SYN3: variants seen among roughly 807,000 people sequenced by gnomAD.
The protein encoded by SYN3 is synapsin III.
In SYN3, 35 loss-of-function variants were observed where a neutral mutation model predicts 65.8. That is an observed-to-expected ratio of 0.53 (90% CI 0.41 to 0.70). SYN3 has a LOEUF of 0.70. Among genes scored for constraint, SYN3 ranks in the 30% least tolerant of loss-of-function variants. SYN3 has a pLI of 0.00. For synonymous variants in SYN3, 270 were observed against 292.9 expected (o/e 0.92, Z 0.80); for missense variants, 680 against 749.0 (o/e 0.91, Z 1.08).
chr22:32,780,068 C>CAA (rs130536), intron 6 of SYN3, among the ~76,000 whole-genome samples: 1 of 72,598 alleles, frequency 1.4e-5, no homozygotes, highest in Non-Finnish European at 2.4e-5. Context: ...GATTCTGTCT[C>CAA]AAAAAAAAAA....
intron 6 of SYN3, among the ~76,000 whole-genome samples, chr22:32,731,691 C>T (rs1354974434): frequency 5.9e-5 from 9 of 152,146 alleles, no homozygotes; most frequent in Non-Finnish European, 1.0e-4. Context: ...AGGATCAAGA[C>T]CAGGTATAGA....
At chr22:32,897,435 C>T (rs1382277314) in intron 4 of SYN3, among the ~76,000 whole-genome samples, 1 of 152,172 alleles carries the variant, frequency 6.6e-6, no homozygotes, top group Non-Finnish European at 1.5e-5. Context: ...TCATGACAAT[C>T]ACTGTTACAC....
intron 2 of SYN3, among the ~76,000 whole-genome samples, chr22:32,991,338 A>AAATTATAATAAT (rs2052707744): frequency 7.0e-6 from 1 of 142,618 alleles, no homozygotes. Flanking sequence ...ACTCCATCTC[A>AAATTATAATAAT]AATAATAATA....
chr22:32,985,683 C>T (rs1266802340), intron 2 of SYN3, among the ~76,000 whole-genome samples: 1 of 152,064 alleles, frequency 6.6e-6, no homozygotes, highest in Non-Finnish European at 1.5e-5. Context: ...AGAGCCCTGG[C>T]GTCCTTCATG....
chr22:33,047,878 A>G, intron 1 of SYN3, among the ~76,000 whole-genome samples: 1 of 147,904 alleles, frequency 6.8e-6, no homozygotes, highest in Admixed American at 6.6e-5. Context: ...AAAAAAAAAA[A>G]AAAAAAAGGA....
At chr22:32,712,024 C>T (rs574269687) in intron 6 of SYN3, among the ~76,000 whole-genome samples, 155 of 152,296 alleles carry the variant, frequency 1.0e-3, no homozygotes, top group Non-Finnish European at 1.8e-3. Context: ...GGCCACAGCC[C>T]TACATCTTGG....
At chr22:32,782,860 A>G (rs1203246354) in intron 6 of SYN3, among the ~76,000 whole-genome samples, 1 of 152,204 alleles carries the variant, frequency 6.6e-6, no homozygotes, top group Non-Finnish European at 1.5e-5. Flanking sequence ...CCCTCAGCCT[A>G]TGGATCTGCG....
chr22:32,794,133 C>A (rs1455140872), intron 6 of SYN3, among the ~76,000 whole-genome samples: 1 of 152,332 alleles, frequency 6.6e-6, no homozygotes, highest in South Asian at 2.1e-4. Flanking sequence ...ATTTCCTCAG[C>A]AAAGCTTTTG....
chr22:33,037,272 G>T (rs1055520733), intron 1 of SYN3, among the ~76,000 whole-genome samples: 3 of 151,988 alleles, frequency 2.0e-5, no homozygotes, highest in African/African-American at 7.3e-5. Context: ...TCACTTGCCC[G>T]CTTGCTGCCC....
intron 3 of SYN3, among the ~76,000 whole-genome samples, chr22:32,963,806 G>T (rs2051736703): frequency 6.6e-6 from 1 of 152,148 alleles, no homozygotes; most frequent in Admixed American, 6.5e-5. Flanking sequence ...ACCGTGGAGA[G>T]CTAAGGGAGC....
At chr22:32,946,988 T>G (rs2051133026) in intron 3 of SYN3, among the ~76,000 whole-genome samples, 1 of 152,216 alleles carries the variant, frequency 6.6e-6, no homozygotes, top group African/African-American at 2.4e-5. Flanking sequence ...CTGAACGTAC[T>G]GGACTATCTG....
chr22:32,883,955 T>C (rs891291661), intron 4 of SYN3, among the ~76,000 whole-genome samples: 1 of 152,204 alleles, frequency 6.6e-6, no homozygotes, highest in Non-Finnish European at 1.5e-5. Flanking sequence ...GAGTCCATAG[T>C]GGTGGCCAAT....
At chr22:33,000,499 G>A (rs918707511) in intron 2 of SYN3, among the ~76,000 whole-genome samples, 17 of 152,142 alleles carry the variant, frequency 1.1e-4, no homozygotes, top group African/African-American at 4.1e-4. Context: ...GGACACATCA[G>A]GCAGGGAAGA....
intron 6 of SYN3, among the ~76,000 whole-genome samples, chr22:32,743,967 A>G (rs1321515745): frequency 6.6e-6 from 1 of 152,058 alleles, no homozygotes; most frequent in Middle Eastern, 3.2e-3. Context: ...CGTGATCTTG[A>G]GCAAATGAAT....
intron 3 of SYN3, among the ~76,000 whole-genome samples, chr22:32,977,459 TA>T (rs2052235415): frequency 6.6e-6 from 1 of 152,068 alleles, no homozygotes; most frequent in Non-Finnish European, 1.5e-5. Context: ...GAGGGGAGAT[TA>T]AGAAGTGGTA....
intron 7 of SYN3, among the ~76,000 whole-genome samples, chr22:32,566,824 A>G (rs2058678132): frequency 6.6e-6 from 1 of 152,190 alleles, no homozygotes; most frequent in Admixed American, 6.5e-5. Flanking sequence ...GTGTTGAAAG[A>G]TGCCCTTCAG....
At chr22:32,536,449 T>C (rs949013229) in intron 9 of SYN3, among the ~76,000 whole-genome samples, 2 of 152,222 alleles carry the variant, frequency 1.3e-5, no homozygotes, top group East Asian at 1.9e-4. Flanking sequence ...GCTTTCGTTT[T>C]GCAGTTGAAG....
chr22:32,870,211 T>C (rs1010173423), intron 4 of SYN3, among the ~76,000 whole-genome samples: 4 of 152,228 alleles, frequency 2.6e-5, no homozygotes, highest in Non-Finnish European at 4.4e-5. Flanking sequence ...AAAATGCTCA[T>C]AATTTTACAA....
chr22:32,893,597 G>C (rs1229171737), intron 4 of SYN3, among the ~76,000 whole-genome samples: 1 of 152,170 alleles, frequency 6.6e-6, no homozygotes, highest in African/African-American at 2.4e-5. Flanking sequence ...TTGTAGCTGA[G>C]TGACTGTCCA....
Sources: allele counts gnomAD v4.1 joint callset (sites outside exome capture counted in the v4.1 genomes callset), GRCh38; gene constraint gnomAD v4.1.1; transcripts MANE v1.5; gene names NCBI Gene and HGNC (gene_info 2026-07-23, HGNC 2026-07-21).